The following PAPPA variants were observed in gnomAD, a reference collection of about 807,000 sequenced individuals.
The protein encoded by PAPPA is pappalysin-1.
Under a neutral mutation model 164.0 loss-of-function variants are expected in PAPPA, and 60 were observed. That is an observed-to-expected ratio of 0.37 (90% CI 0.30 to 0.45). The LOEUF is 0.45. Ranked by LOEUF, PAPPA falls within the 20% of genes least tolerant of loss-of-function variation. The pLI, the probability that PAPPA is intolerant of heterozygous loss-of-function variation, is 1.00. For synonymous variants in PAPPA, 875 were observed against 814.1 expected, an observed-to-expected ratio of 1.07 and a Z score of -1.27; for missense variants, 1,782 against 2,087.3, an observed-to-expected ratio of 0.85 and a Z score of 2.85.
rs188492478 is a variant in PAPPA, at chr9:116,154,915, C to T, written c.415+328C>T. Among the ~76,000 whole-genome samples the T allele has an allele frequency of 3.3e-5, 5 of 152,318 alleles. No individual in the cohort carries two copies. The highest frequency in any genetic ancestry group is 6.5e-5 in the Admixed American group (1 of 15,292). On this transcript the variant is annotated intron_variant, in intron 1 of 21. Transcript: ENST00000328252. This position sits in a 1 kb window ranked among gnomAD's most constrained non-coding sequence, Gnocchi z 5.2. ...TGCTCCGAATGGTCAGATGCACTCTCTCCTTTTGGGATGAAAGGGAGGATG... is the reference window on the plus strand; with the variant it reads ...TGCTCCGAATGGTCAGATGCACTCTTTCCTTTTGGGATGAAAGGGAGGATG...
At chr9:116,366,921 A>G (rs1430352326) in intron 18 of PAPPA, among the ~76,000 whole-genome samples, 1 of 152,174 alleles carries the variant, frequency 6.6e-6, no homozygotes, top group East Asian at 1.9e-4. Flanking sequence ...GCACAGGGAA[A>G]GGCAGGGATG....
intron 1 of PAPPA, among the ~76,000 whole-genome samples, chr9:116,156,334 G>GTATATATATATATATATATGTATATA (rs374567663): frequency 1.4e-4 from 20 of 139,584 alleles, no homozygotes; most frequent in Middle Eastern, 3.7e-3. Context: ...ATATATATGT[G>GTATATATATATATATATATGTATATA]TATATATATA....
At chr9:116,156,370 T>C (rs1843605811) in intron 1 of PAPPA, among the ~76,000 whole-genome samples, 1 of 123,136 alleles carries the variant, frequency 8.1e-6, no homozygotes, top group Non-Finnish European at 1.7e-5. Flanking sequence ...ATATAACACC[T>C]GGGATTCCAC....
intron 1 of PAPPA, among the ~76,000 whole-genome samples, chr9:116,168,041 A>G (rs1341822109): frequency 6.6e-6 from 1 of 152,166 alleles, no homozygotes; most frequent in Non-Finnish European, 1.5e-5. Context: ...CCACTGGGTC[A>G]CTTTATTTTC....
chr9:116,159,206 A>G (rs1843636542), intron 1 of PAPPA, among the ~76,000 whole-genome samples: 1 of 152,200 alleles, frequency 6.6e-6, no homozygotes, highest in Admixed American at 6.5e-5. Context: ...TCCTTGGTTT[A>G]CTTATCTGTA....
At chr9:116,219,856 C>A in intron 4 of PAPPA, 81 bp from the exon 5 acceptor site, 1 of 1,201,506 alleles carries the variant, frequency 8.3e-7, no homozygotes, top group Non-Finnish European at 1.2e-6. Context: ...GACTCTTGGG[C>A]CGCCAGGAGC....
In PAPPA at chr9:116,199,056, A is replaced by G. The variant is rs978440894; in HGVS notation, c.1479-8400A>G. Among the ~76,000 whole-genome samples, 3 of 152,196 alleles carry G rather than the reference A, an allele frequency of 2.0e-5. No homozygotes were observed. The East Asian group carries it at 5.8e-4, about 29-fold the overall frequency. On this transcript the variant is annotated intron_variant, in intron 2 of 21. Coordinates refer to ENST00000328252, the MANE Select transcript of PAPPA (RefSeq NM_002581.5). ...TTTAAAAGTAATGTTGAAAACCGCA[A>G]TTACTTGTGCATCAGTCTAATAATA...
At position 116,362,660 on chromosome 9, in the gene PAPPA, G is replaced by A. The variant is rs751904744; in HGVS notation, c.4416G>A (p.Gln1472=). ...GTWNGSFHVC[Q]EMQGQCSVPN... The stretch of plus-strand genomic sequence containing the variant: ...GGAACGGCTCCTTCCATGTCTGCCA[G>A]GAGATGCAAGGCCAGTGCTCGGTTC... Residue 1472 remains glutamine (Q), a synonymous_variant, in exon 18 of 22, where the codon CAG becomes CAA. Transcript: ENST00000328252. The A allele has an allele frequency of 7.4e-6, 12 of 1,614,032 alleles. No homozygotes were observed. The East Asian group carries it at 2.2e-4, about 30-fold the overall frequency.
chr9:116,202,284 C>T (rs1441741080), intron 2 of PAPPA, among the ~76,000 whole-genome samples: 2 of 152,148 alleles, frequency 1.3e-5, no homozygotes, highest in Non-Finnish European at 2.9e-5. Flanking sequence ...GCCCTGACAG[C>T]CCTCTCATTC....
chr9:116,388,121 T>G (rs1032892109), intron 21 of PAPPA, among the ~76,000 whole-genome samples: 1 of 152,162 alleles, frequency 6.6e-6, no homozygotes, highest in Non-Finnish European at 1.5e-5. Flanking sequence ...ATCCGCCTTA[T>G]GGGGTGACCT....
chr9:116,353,031 T>A, intron 16 of PAPPA, 115 bp downstream of exon 16: 3 of 773,418 alleles, frequency 3.9e-6, no homozygotes, highest in Non-Finnish European at 6.8e-6. Context: ...CTGCCATTCA[T>A]CCCATTCTGT....
At chr9:116,241,057 A>G (rs745928826) in intron 7 of PAPPA, among the ~76,000 whole-genome samples, 96 of 152,226 alleles carry the variant, frequency 6.3e-4, no homozygotes, top group Admixed American at 3.6e-3. Flanking sequence ...ACATAAGGAA[A>G]GGAGATGTTT....
rs1222792866 is a variant in PAPPA, at chr9:116,282,941, A to G, written c.2953+11525A>G. Among the ~76,000 whole-genome samples, 3 of 152,230 alleles carry G rather than the reference A, an allele frequency of 2.0e-5. No homozygotes were observed. In the East Asian group the frequency reaches 5.8e-4, roughly 29 times the overall value. Reference sequence around the variant, plus strand: ...TCTAAGCCAATACTGATTAAGTACCAAAGAGATGTTAACATAAAGCAAATA... The same window carrying G: ...TCTAAGCCAATACTGATTAAGTACCGAAGAGATGTTAACATAAAGCAAATA... On this transcript the variant is annotated intron_variant, in intron 9 of 21. Coordinates refer to ENST00000328252, the MANE Select transcript of PAPPA (RefSeq NM_002581.5).
chr9:116,217,175 T>C (rs2118697864), intron 4 of PAPPA, among the ~76,000 whole-genome samples: 1 of 152,314 alleles, frequency 6.6e-6, no homozygotes, highest in Admixed American at 6.5e-5. Context: ...AAATACACTT[T>C]TTTGTTGGGG....
intron 9 of PAPPA, among the ~76,000 whole-genome samples, chr9:116,275,987 A>G (rs967569653): frequency 1.3e-5 from 2 of 152,214 alleles, no homozygotes; most frequent in Non-Finnish European, 2.9e-5. Flanking sequence ...CACCACCCAC[A>G]TGACCTCTCA....
At chr9:116,191,239 C>T (rs1165789632) in intron 2 of PAPPA, among the ~76,000 whole-genome samples, 1 of 152,136 alleles carries the variant, frequency 6.6e-6, no homozygotes, top group Non-Finnish European at 1.5e-5. Flanking sequence ...ATATCATCTC[C>T]AGTCAGAATG....
At chr9:116,161,347 G>A (rs904050803) in intron 1 of PAPPA, among the ~76,000 whole-genome samples, 4 of 152,180 alleles carry the variant, frequency 2.6e-5, no homozygotes, top group African/African-American at 9.7e-5. Context: ...TGCAAAAGGA[G>A]GGTCAGGGGT....
chr9:116,276,649 G>A (rs1845201858), intron 9 of PAPPA, among the ~76,000 whole-genome samples: 1 of 152,152 alleles, frequency 6.6e-6, no homozygotes, highest in Non-Finnish European at 1.5e-5. Context: ...ACAAAGGAAA[G>A]GGACCCCCAC....
chr9:116,161,843 T>G (rs1307833509), intron 1 of PAPPA, among the ~76,000 whole-genome samples: 1 of 152,096 alleles, frequency 6.6e-6, no homozygotes, highest in African/African-American at 2.4e-5. Context: ...TGATTGAAGA[T>G]TTCCATAATA....
Sources: allele counts gnomAD v4.1 joint callset (sites outside exome capture counted in the v4.1 genomes callset), GRCh38; gene constraint gnomAD v4.1.1; non-coding constraint Gnocchi (gnomAD v3.1); transcripts MANE v1.5; gene names NCBI Gene and HGNC (gene_info 2026-07-23, HGNC 2026-07-21).